CCDC33: variants seen among roughly 807,000 people sequenced by gnomAD.
CCDC33 encodes coiled-coil domain-containing protein 33.
Under a neutral mutation model 91.9 loss-of-function variants are expected in CCDC33, and 94 were observed. The observed-to-expected ratio is 1.02, with a 90% CI of 0.87 to 1.21. The LOEUF is 1.21. Ranked by LOEUF, CCDC33 falls within the 50% of genes most tolerant of loss-of-function variation. CCDC33 has a pLI of 0.00. For missense variants in CCDC33, 940 were observed against 935.5 expected (o/e 1.00, Z -0.06); for synonymous variants, 396 against 374.5 (o/e 1.06, Z -0.66).
At chr15:74,203,558 T>C (rs1333996932) in intron 1 of CCDC33, among the ~76,000 whole-genome samples, 1 of 152,274 alleles carries the variant, frequency 6.6e-6, no homozygotes, top group Admixed American at 6.5e-5. Context: ...GGCTTCGGCT[T>C]GGACCCTGTC....
Position 74,203,042 on chromosome 15 carries a change from C to G in CCDC33, n.33C>G. On this transcript the variant is annotated non_coding_transcript_exon_variant, in exon 1 of 4. Transcript: ENST00000558645. ...TGCCCCAGAGCTCCCAAGCCCCTGC[C>G]CGCCACATCTGCAGTGCCGCACACA... 6.1e-6 allele frequency: 6 copies of G among 985,938 alleles called. No individual in the cohort carries two copies. The South Asian group carries it at 1.9e-4, about 31-fold the overall frequency. 61.1% of individuals were successfully genotyped at this position (985,938 alleles called of 1,614,324 possible). A position where few individuals can be genotyped will look rare whatever the true frequency, so the allele number is the denominator to read the frequency against.
At chr15:74,221,377 G>A (rs56275541) in intron 2 of CCDC33, 2 of 928,210 alleles carry the variant, frequency 2.2e-6, no homozygotes, top group Non-Finnish European at 2.6e-6. Context: ...ACCAGGGTCA[G>A]AGCTCAGCAA....
chr15:74,269,309 C>A (rs938199012), intron 5 of CCDC33, among the ~76,000 whole-genome samples: 5 of 151,510 alleles, frequency 3.3e-5, no homozygotes, highest in African/African-American at 1.2e-4. Context: ...ATCCTTCCCA[C>A]CCCCCTACTT....
Position 74,244,005 on chromosome 15 carries a change from G to C in CCDC33, c.42G>C (p.Glu14Asp). ...KNKKNTEDPEEPLIASQSTEP... is the reference protein window; with the variant it reads ...KNKKNTEDPEDPLIASQSTEP... The stretch of plus-strand genomic sequence containing the variant: ...CACAGAACACTGAAGACCCAGAGGA[G>C]CCCCTGATCGCCTCCCAGAGCACGG... Residue 14 changes from glutamate (E) to aspartate (D), a missense_variant, in exon 2 of 19, where the codon GAG (glutamate) becomes GAC (aspartate). Coordinates refer to ENST00000398814, the MANE Select transcript of CCDC33 (RefSeq NM_025055.5). The surrounding 1 kb of genome is among the most constrained non-coding windows in gnomAD (Gnocchi z 4.2). 6.2e-7 allele frequency: 1 copy of C among 1,612,594 alleles called. No homozygotes were observed. The highest frequency in any genetic ancestry group is 1.1e-5 in the South Asian group (1 of 91,008).
At chr15:74,255,082 C>T (rs2075820303) in intron 2 of CCDC33, among the ~76,000 whole-genome samples, 1 of 148,262 alleles carries the variant, frequency 6.7e-6, no homozygotes. Flanking sequence ...CTCACCTAGG[C>T]ATCCCCCTTT....
rs2076004622 is a variant in CCDC33 at position 74,260,855 on chromosome 15, A to C, written c.186-1585A>C. On this transcript the variant is annotated intron_variant, in intron 2 of 18. Coordinates refer to ENST00000398814, the MANE Select transcript of CCDC33 (RefSeq NM_025055.5). Reference sequence around the variant, plus strand: ...CTGGTGCTATGGGGTAATAACAGGAATCATATTTATATTTTAATAATTTAA... The same window carrying C: ...CTGGTGCTATGGGGTAATAACAGGACTCATATTTATATTTTAATAATTTAA... Among the ~76,000 whole-genome samples, 6 of 152,320 alleles carry C rather than the reference A, an allele frequency of 3.9e-5. No homozygotes were observed. The South Asian group carries it at 1.2e-3, about 32-fold the overall frequency.
intron 11 of CCDC33, among the ~76,000 whole-genome samples, chr15:74,312,982 G>A (rs2060020259): frequency 6.6e-6 from 1 of 152,220 alleles, no homozygotes; most frequent in Admixed American, 6.5e-5. Context: ...AAGGCTGGCT[G>A]CCTCTGGGTG....
intron 1 of CCDC33, among the ~76,000 whole-genome samples, chr15:74,242,351 C>T (rs772917062): frequency 1.3e-5 from 2 of 152,226 alleles, no homozygotes; most frequent in Non-Finnish European, 1.5e-5. Context: ...CCCAGCCTGC[C>T]GAGGCTGCCA....
chr15:74,268,439 G>A lies in CCDC33; in HGVS notation c.527G>A (p.Cys176Tyr). 6.4e-7 allele frequency: 1 copy of A among 1,555,258 alleles called. No homozygotes were observed. Among genetic ancestry groups the A allele is most frequent in the Non-Finnish European group, 8.7e-7 (1 of 1,150,184 alleles). Reference protein sequence around the residue: ...KSSFIPRYIGCNHMALEIFLR... With the variant: ...KSSFIPRYIGYNHMALEIFLR... ...AGCTTCATACCCCGCTACATCGGCT[G>A]CAACCACATGGCTCTGGAGGTACCA... Residue 176 changes from cysteine to tyrosine, a missense_variant, in exon 5 of 19, where the codon TGC becomes TAC. Cys to Tyr is a radical substitution (Grantham distance 194). Transcript: ENST00000398814.
At chr15:74,268,771 G>A (rs554592895) in intron 5 of CCDC33, among the ~76,000 whole-genome samples, 1 of 152,194 alleles carries the variant, frequency 6.6e-6, no homozygotes, top group Admixed American at 6.5e-5. Context: ...GTGGGGACCA[G>A]AGCCTGTCTC....
At chr15:74,227,153 C>G (rs2074827432) in intron 2 of CCDC33, among the ~76,000 whole-genome samples, 1 of 152,190 alleles carries the variant, frequency 6.6e-6, no homozygotes, top group Non-Finnish European at 1.5e-5. Flanking sequence ...AGCCCATTTT[C>G]TGAAGCAAGA....
chr15:74,219,209 T>C (rs2074525244), intron 2 of CCDC33, among the ~76,000 whole-genome samples: 1 of 152,208 alleles, frequency 6.6e-6, no homozygotes, highest in Non-Finnish European at 1.5e-5. Context: ...AGAAGCCTCC[T>C]CTGTGTGCCC....
In CCDC33 at chr15:74,333,200, G is replaced by A. The variant is rs1315775384; in HGVS notation, c.1938+355G>A. ...ATTCCCTGGTCTTGGTGCAGCCTTG[G>A]AGAGCCCTTTTCCATCCCAGGTGGA... On this transcript the variant is annotated intron_variant, in intron 16 of 18. Transcript: ENST00000398814. The A allele has an allele frequency of 5.2e-6, 8 of 1,549,616 alleles. No homozygotes were observed. In the African/African-American group the frequency reaches 1.1e-4, roughly 21 times the overall value.
In CCDC33 at chr15:74,218,870, T is replaced by C; in HGVS notation, c.675+9T>C. 1 of 1,215,884 alleles carries C rather than the reference T, an allele frequency of 8.2e-7. No individual in the cohort carries two copies. Among genetic ancestry groups the C allele is most frequent in the Non-Finnish European group, 1.0e-6 (1 of 954,320 alleles). 75.3% of individuals were successfully genotyped at this position (1,215,884 alleles called of 1,614,324 possible). A position where few individuals can be genotyped will look rare whatever the true frequency, so the allele number is the denominator to read the frequency against. On this transcript the variant is annotated intron_variant, in intron 2 of 2. Coordinates refer to the CCDC33 transcript ENST00000635913. This position sits in a 1 kb window ranked among gnomAD's most constrained non-coding sequence, Gnocchi z 4.8. ...AGCTCCCCATACTGCAGGTGGGTGCTTCCCTGGTCCCAGTTCAGGTTCTGG... is the reference window on the plus strand; with the variant it reads ...AGCTCCCCATACTGCAGGTGGGTGCCTCCCTGGTCCCAGTTCAGGTTCTGG...
rs144730659 is a variant in CCDC33, at chr15:74,313,869, C to T, written c.1291-16320C>T. ...GCCCAGCCCAGTCCACTTTGCCTGCCTATAACAGGCTTGACAGCTGGGCCT... is the reference window on the plus strand; with the variant it reads ...GCCCAGCCCAGTCCACTTTGCCTGCTTATAACAGGCTTGACAGCTGGGCCT... On this transcript the variant is annotated intron_variant, in intron 11 of 18. Coordinates refer to ENST00000398814, the MANE Select transcript of CCDC33 (RefSeq NM_025055.5). 3.6e-3 allele frequency among the ~76,000 whole-genome samples: 553 copies of T among 152,278 alleles called. 7 individuals carry two copies. Among genetic ancestry groups the T allele is most frequent in the East Asian group, 0.026 (133 of 5,178 alleles).
chr15:74,203,563 C>G (rs947597669), intron 1 of CCDC33, among the ~76,000 whole-genome samples: 1 of 152,240 alleles, frequency 6.6e-6, no homozygotes, highest in Non-Finnish European at 1.5e-5. Flanking sequence ...CGGCTTGGAC[C>G]CTGTCAGCTA....
upstream of CCDC33, among the ~76,000 whole-genome samples, chr15:74,213,956 C>T (rs1050596138): frequency 1.3e-5 from 2 of 152,182 alleles, no homozygotes; most frequent in Admixed American, 6.5e-5. Flanking sequence ...AGATTCTGCG[C>T]CTGTGGAAGG....
At chr15:74,331,690 A>G (rs898578488) in intron 15 of CCDC33, among the ~76,000 whole-genome samples, 2 of 152,204 alleles carry the variant, frequency 1.3e-5, no homozygotes, top group Non-Finnish European at 2.9e-5. Context: ...ATACCGCCAA[A>G]GATTCTGCCT....
At position 74,333,947 on chromosome 15, in the gene CCDC33, A is replaced by G. The variant is rs1375184211; in HGVS notation, c.2005A>G (p.Ile669Val). The G allele has an allele frequency of 6.2e-7, 1 of 1,613,678 alleles. No individual in the cohort carries two copies. The highest frequency in any genetic ancestry group is 8.5e-7 in the Non-Finnish European group (1 of 1,179,682). ...CAAGCTGGAACACGCTCAGAGCCGG[A>G]TCCTGTCCCTGGAAAGCCAGGTGGG... ...LAKLEHAQSRILSLESQLEDS... is the reference protein window; with the variant it reads ...LAKLEHAQSRVLSLESQLEDS... The change falls in exon 17 of 19, where the codon ATC becomes GTC. Residue 669 changes from isoleucine (I) to valine (V), a missense_variant. Coordinates refer to ENST00000398814, the MANE Select transcript of CCDC33 (RefSeq NM_025055.5).
Sources: allele counts gnomAD v4.1 joint callset (sites outside exome capture counted in the v4.1 genomes callset), GRCh38; gene constraint gnomAD v4.1.1; non-coding constraint Gnocchi (gnomAD v3.1); transcripts MANE v1.5; gene names NCBI Gene and HGNC (gene_info 2026-07-23, HGNC 2026-07-21).